The following DIAPH2 variants were observed in gnomAD, a reference collection of about 807,000 sequenced individuals.
The protein encoded by DIAPH2 is diaphanous related formin 2, also known as protein diaphanous homolog 2.
A neutral mutation model predicts 92.7 loss-of-function variants in DIAPH2; 35 were observed. The ratio of observed to expected loss-of-function variants is 0.38; its 90% CI spans 0.29 to 0.50. The LOEUF (loss-of-function observed/expected upper bound fraction) is 0.50. DIAPH2 is among the 20% of genes least tolerant of loss of function. DIAPH2 has a pLI of 0.94. For missense variants in DIAPH2, 701 were observed against 819.5 expected, an observed-to-expected ratio of 0.86 and a Z score of 1.77; for synonymous variants, 301 against 280.4, an observed-to-expected ratio of 1.07 and a Z score of -0.73.
intron 22 of DIAPH2, among the ~76,000 whole-genome samples, chrX:97,153,412 G>A (rs1017253470): frequency 1.8e-5 from 2 of 110,064 alleles, no homozygotes; most frequent in African/African-American, 6.6e-5. Flanking sequence ...GTGAAACCTC[G>A]TCTCTACTAA....
Position 97,130,843 on chromosome X carries a change from G to T in DIAPH2, c.2590-10822G>T, listed in dbSNP as rs1248621568. On this transcript the variant is annotated intron_variant, in intron 21 of 26. Transcript: ENST00000324765. ...GTTTGATAGCAGCCCAGATAATATA[G>T]CCTGTAATCTCAGCACTTTGAGAGG... 8.1e-5 allele frequency among the ~76,000 whole-genome samples: 9 copies of T among 111,257 alleles called. 1 individual carries two copies. Among genetic ancestry groups the T allele is most frequent in the Admixed American group, 2.9e-4 (3 of 10,378 alleles).
intron 26 of DIAPH2, among the ~76,000 whole-genome samples, chrX:97,479,561 C>A (rs2070635931): frequency 9.0e-6 from 1 of 111,701 alleles, no homozygotes; most frequent in Non-Finnish European, 1.9e-5. Context: ...CATTTGTTTC[C>A]CTTGCATGTT....
At chrX:96,910,267 C>T (rs1202764006) in intron 5 of DIAPH2, among the ~76,000 whole-genome samples, 1 of 111,305 alleles carries the variant, frequency 9.0e-6, no homozygotes, top group Non-Finnish European at 1.9e-5. Flanking sequence ...TGATTACATG[C>T]CTCAATTGGA....
intron 20 of DIAPH2, among the ~76,000 whole-genome samples, chrX:97,110,997 A>C (rs777494901): frequency 3.2e-4 from 35 of 107,812 alleles, no homozygotes; most frequent in Non-Finnish European, 3.9e-4. Flanking sequence ...AAAACAAACA[A>C]AAAAAAAAAG....
chrX:97,477,767 T>C (rs1348179334), intron 26 of DIAPH2, among the ~76,000 whole-genome samples: 1 of 111,909 alleles, frequency 8.9e-6, no homozygotes, highest in Admixed American at 9.5e-5. Flanking sequence ...AATCAAATAA[T>C]TACTAAATTG....
At chrX:96,875,966 G>A (rs995043398) in intron 4 of DIAPH2, among the ~76,000 whole-genome samples, 1 of 110,966 alleles carries the variant, frequency 9.0e-6, no homozygotes, top group Non-Finnish European at 1.9e-5. Flanking sequence ...TACCATCAGA[G>A]TGAACAGGCA....
chrX:97,102,367 A>G (rs2066911706), intron 20 of DIAPH2, among the ~76,000 whole-genome samples: 1 of 111,559 alleles, frequency 9.0e-6, no homozygotes, highest in African/African-American at 3.3e-5. Context: ...TACTTGCCAG[A>G]GAAAAAAGAA....
chrX:96,849,188 CAG>C (rs1368199609), intron 4 of DIAPH2, among the ~76,000 whole-genome samples: 1 of 111,454 alleles, frequency 9.0e-6, no homozygotes, highest in Non-Finnish European at 1.9e-5. Flanking sequence ...TATTTAGAGA[CAG>C]AGTCTCGCTC....
chrX:97,159,747 G>GT (rs1272878549), intron 22 of DIAPH2, among the ~76,000 whole-genome samples: 1 of 111,508 alleles, frequency 9.0e-6, no homozygotes, highest in Non-Finnish European at 1.9e-5. Flanking sequence ...ATTTTTCCTA[G>GT]TTATGAAAAT....
intron 26 of DIAPH2, among the ~76,000 whole-genome samples, chrX:97,548,244 C>T (rs1034037515): frequency 1.8e-5 from 2 of 112,211 alleles, no homozygotes; most frequent in Non-Finnish European, 3.8e-5. Context: ...CCTATGCACA[C>T]ACAATTTTTG....
At chrX:97,476,393 A>G (rs898767180) in intron 26 of DIAPH2, among the ~76,000 whole-genome samples, 31 of 112,042 alleles carry the variant, frequency 2.8e-4, no homozygotes, top group Non-Finnish European at 1.7e-4. Flanking sequence ...TGTTAGCAAA[A>G]TGGCAAATGT....
chrX:96,899,516 T>C (rs1391453253), intron 5 of DIAPH2, among the ~76,000 whole-genome samples: 2 of 111,407 alleles, frequency 1.8e-5, no homozygotes, highest in Admixed American at 1.9e-4. Context: ...ACTCATGATT[T>C]GGCTCTCTGT....
chrX:97,477,012 C>T (rs902949975), intron 26 of DIAPH2, among the ~76,000 whole-genome samples: 18 of 95,995 alleles, frequency 1.9e-4, no homozygotes, highest in African/African-American at 5.9e-4. Flanking sequence ...CACACACACA[C>T]ACACACACAC....
At chrX:96,706,829 A>G (rs1252073530) in intron 1 of DIAPH2, among the ~76,000 whole-genome samples, 1 of 111,737 alleles carries the variant, frequency 8.9e-6, no homozygotes, top group Non-Finnish European at 1.9e-5. Context: ...CCCTATAAAC[A>G]TGTATGAATA....
chrX:97,337,130 C>CT lies in DIAPH2; in HGVS notation c.2845-10973dup, dbSNP rs374498749. On this transcript the variant is annotated intron_variant, in intron 23 of 26. Coordinates refer to ENST00000324765, the MANE Select transcript of DIAPH2 (RefSeq NM_006729.5). ...TGCCTCGATTTTCTTTCTTTCTTTT[C>CT]TTTTTTTTTTTTTATTTTAACAAGA... Among the ~76,000 whole-genome samples, 273 of 99,091 alleles carry CT rather than the reference C, an allele frequency of 2.8e-3. 1 individual carries two copies. The highest frequency in any genetic ancestry group is 5.1e-3 in the Middle Eastern group (1 of 195). The allele number at this position is 99,091 out of a possible 115,157, so 86.0% of individuals were successfully genotyped here.
chrX:96,957,910 C>T lies in DIAPH2; in HGVS notation c.1697C>T (p.Pro566Leu), dbSNP rs1395793851. The T allele has an allele frequency of 5.0e-6, 6 of 1,208,317 alleles. No homozygotes were observed. Among genetic ancestry groups the T allele is most frequent in the East Asian group, 3.0e-5 (1 of 33,674 alleles). ...PLPGVGPPPP[P>L]PAPPLPGGAP... ...CCAGGTGTAGGGCCGCCTCCACCAC[C>T]ACCCGCGCCACCTCTACCCGGAGGA... is the stretch of plus-strand genomic sequence containing the variant. Residue 566 changes from proline to leucine, a missense_variant, in exon 16 of 27, where the codon CCA becomes CTA. Physicochemically the swap from Pro to Leu is moderately conservative, Grantham distance 98 (BLOSUM62 -3). This residue lies in a region of DIAPH2 where 536 missense variants were observed against 599.3 expected (regional missense o/e 0.89). Coordinates refer to ENST00000324765, the MANE Select transcript of DIAPH2 (RefSeq NM_006729.5).
At chrX:97,579,039 T>C (rs1347344927) in intron 26 of DIAPH2, among the ~76,000 whole-genome samples, 1 of 102,631 alleles carries the variant, frequency 9.7e-6, no homozygotes, top group African/African-American at 3.5e-5. Flanking sequence ...TCTTGTAAAT[T>C]TGTTTGAGTT....
intron 23 of DIAPH2, among the ~76,000 whole-genome samples, chrX:97,312,275 A>G (rs1263938176): frequency 3.6e-5 from 4 of 109,918 alleles, no homozygotes; most frequent in Non-Finnish European, 7.6e-5. Context: ...CAATTTTGCA[A>G]TGCTAGTTTC....
chrX:96,957,541 CAG>C (rs1291132419), intron 15 of DIAPH2, among the ~76,000 whole-genome samples: 1 of 111,273 alleles, frequency 9.0e-6, no homozygotes. Context: ...GGTGGGAACA[CAG>C]AGCCAAACCC....
Sources: allele counts gnomAD v4.1 joint callset (sites outside exome capture counted in the v4.1 genomes callset), GRCh38; gene constraint gnomAD v4.1.1; regional missense constraint gnomAD v4.1.1; transcripts MANE v1.5; gene names NCBI Gene and HGNC (gene_info 2026-07-23, HGNC 2026-07-21).